The following SMC1A variants were observed in gnomAD, a reference collection of about 807,000 sequenced individuals.
The protein encoded by SMC1A is structural maintenance of chromosomes 1A.
Under a neutral mutation model 94.5 loss-of-function variants are expected in SMC1A, and 4 were observed. That is an observed-to-expected ratio of 0.04 (90% CI 0.02 to 0.10). SMC1A has a LOEUF of 0.10. Ranked by LOEUF, SMC1A falls within the 10% of genes least tolerant of loss-of-function variation. SMC1A has a pLI of 1.00. For synonymous variants in SMC1A, 345 were observed against 347.7 expected, an observed-to-expected ratio of 0.99 and a Z score of 0.09; for missense variants, 304 against 989.0, an observed-to-expected ratio of 0.31 and a Z score of 9.29.
chrX:53,414,157 A>G (rs1034609369), intron 3 of SMC1A, among the ~76,000 whole-genome samples: 2 of 111,663 alleles, frequency 1.8e-5, no homozygotes, highest in Non-Finnish European at 1.9e-5. Flanking sequence ...GAGGAAAAGT[A>G]ATATGCAAAG....
chrX:53,393,059 CA>C (rs1556887487), intron 19 of SMC1A, among the ~76,000 whole-genome samples: 1 of 111,759 alleles, frequency 8.9e-6, no homozygotes, highest in Non-Finnish European at 1.9e-5. Context: ...GTTAACATTA[CA>C]AAGAAAGTGA....
chrX:53,403,994 C>A, intron 13 of SMC1A, 101 bp from the exon 14 acceptor site: 1 of 604,145 alleles, frequency 1.7e-6, no homozygotes, highest in South Asian at 2.2e-5. Context: ...TAGCTCTCCA[C>A]AACTGAGAGA....
chrX:53,407,956 C>T (rs2075697279), intron 9 of SMC1A, among the ~76,000 whole-genome samples: 1 of 111,870 alleles, frequency 8.9e-6, no homozygotes, highest in African/African-American at 3.3e-5. Flanking sequence ...CTCACATCTA[C>T]CATTTTACAG....
At chrX:53,381,235 C>A in intron 22 of SMC1A, 148 bp from the exon 23 acceptor site, 1 of 446,144 alleles carries the variant, frequency 2.2e-6, no homozygotes, top group Non-Finnish European at 3.9e-6. Context: ...GTTGCCTGAG[C>A]CCCTGAAAGC....
intron 7 of SMC1A, among the ~76,000 whole-genome samples, chrX:53,410,381 G>A (rs782098014): frequency 1.1e-4 from 12 of 109,261 alleles, no homozygotes; most frequent in East Asian, 2.9e-4. Context: ...ACTTGAGTTC[G>A]GAAGTTCAAG....
intron 11 of SMC1A, 44 bp from the exon 12 acceptor site, chrX:53,405,435 C>G (rs782125344): frequency 3.3e-6 from 4 of 1,210,744 alleles, no homozygotes; most frequent in Non-Finnish European, 4.5e-6. Context: ...AGAAGCTGAA[C>G]AAATGAATCT....
intron 19 of SMC1A, among the ~76,000 whole-genome samples, chrX:53,385,828 A>T (rs1389510963): frequency 8.9e-6 from 1 of 112,302 alleles, no homozygotes; most frequent in Non-Finnish European, 1.9e-5. Context: ...GATGTTATAT[A>T]TAACTATTAA....
chrX:53,385,688 AG>A (rs2075602242), intron 19 of SMC1A, among the ~76,000 whole-genome samples: 1 of 111,782 alleles, frequency 8.9e-6, no homozygotes, highest in African/African-American at 3.2e-5. Flanking sequence ...TATAACGGCA[AG>A]AAAAAGAATA....
intron 3 of SMC1A, 39 bp from the exon 4 acceptor site, chrX:53,413,474 G>A: frequency 8.7e-7 from 1 of 1,145,510 alleles, no homozygotes; most frequent in Non-Finnish European, 1.2e-6. Flanking sequence ...TCAGACCCCA[G>A]CCAACCCAGT....
In SMC1A at chrX:53,378,734, A is replaced by G. The variant is rs1556885533; in HGVS notation, c.*1369T>C. On this transcript the variant is annotated 3_prime_UTR_variant, in exon 25 of 25. Transcript: ENST00000322213. ...AATTAAAGTGTGATGGTGTATGTGA[A>G]TGAGTAAAGGCTGAGCTCATCGCAC... The G allele has an allele frequency of 8.9e-6, 1 of 112,753 alleles. No homozygotes were observed. Among genetic ancestry groups the G allele is most frequent in the Non-Finnish European group, 1.9e-5 (1 of 53,338 alleles). 9.3% of individuals were successfully genotyped at this position (112,753 alleles called of 1,213,427 possible). A position where few individuals can be genotyped will look rare whatever the true frequency, so the allele number is the denominator to read the frequency against.
chrX:53,413,013 C>T lies in SMC1A; in HGVS notation c.741G>A (p.Lys247=). 1 of 1,210,250 alleles carries T rather than the reference C, an allele frequency of 8.3e-7. No individual in the cohort carries two copies. Among genetic ancestry groups the T allele is most frequent in the Non-Finnish European group, 1.1e-6 (1 of 894,149 alleles). ...KLNKELASKN[K]EIEKDKKRMD... The stretch of plus-strand genomic sequence containing the variant: ...TACGCTTCTTGTCCTTCTCGATCTC[C>T]TTGTTCTTTGAGGCCAGTTCCTTGT... Residue 247 remains lysine (K), a synonymous_variant, in exon 5 of 25, where the codon AAG becomes AAA. Transcript: ENST00000322213.
intron 22 of SMC1A, 102 bp downstream of exon 22, chrX:53,382,130 C>G (rs1338449269): frequency 3.0e-6 from 3 of 1,005,082 alleles, no homozygotes; most frequent in Non-Finnish European, 4.2e-6. Context: ...CAGATTCCAC[C>G]AAACCATCAC....
chrX:53,408,002 T>C (rs1284877883), intron 9 of SMC1A, among the ~76,000 whole-genome samples: 1 of 111,060 alleles, frequency 9.0e-6, no homozygotes, highest in African/African-American at 3.3e-5. Flanking sequence ...AAGTATCTTA[T>C]ATATATTATT....
intron 15 of SMC1A, among the ~76,000 whole-genome samples, chrX:53,403,033 A>T (rs918497616): frequency 1.0e-5 from 1 of 98,163 alleles, no homozygotes; most frequent in African/African-American, 3.8e-5. Context: ...AAACAAAAAA[A>T]GAAAAATTAG....
In SMC1A at chrX:53,377,623, A is replaced by T. The variant is rs1401155308; in HGVS notation, c.*2480T>A. ...GGAGAAAGCACTTGAATGACTTGGAAGACCTGGGTTCAAACCTTTTTGGGC... is the reference window on the plus strand; with the variant it reads ...GGAGAAAGCACTTGAATGACTTGGATGACCTGGGTTCAAACCTTTTTGGGC... On this transcript the variant is annotated 3_prime_UTR_variant, in exon 25 of 25. Transcript: ENST00000322213. The T allele has an allele frequency of 8.9e-6, 1 of 112,192 alleles. No homozygotes were observed. Among genetic ancestry groups the T allele is most frequent in the African/African-American group, 3.2e-5 (1 of 30,862 alleles). 9.2% of individuals were successfully genotyped at this position (112,192 alleles called of 1,213,427 possible). A position where few individuals can be genotyped will look rare whatever the true frequency, so the allele number is the denominator to read the frequency against.
chrX:53,382,934 C>T (rs1556886101), intron 20 of SMC1A, among the ~76,000 whole-genome samples, 163 bp downstream of exon 20: 1 of 111,335 alleles, frequency 9.0e-6, no homozygotes, highest in Non-Finnish European at 1.9e-5. Context: ...AGCAATTTTC[C>T]GTTCTATAAA....
chrX:53,409,862 T>C (rs1281911734), intron 7 of SMC1A, among the ~76,000 whole-genome samples: 1 of 112,091 alleles, frequency 8.9e-6, no homozygotes, highest in African/African-American at 3.2e-5. Context: ...ACACATTAAG[T>C]GCTTAATATA....
At chrX:53,389,727 CA>C (rs782584311) in intron 19 of SMC1A, among the ~76,000 whole-genome samples, 81 of 94,508 alleles carry the variant, frequency 8.6e-4, no homozygotes, top group African/African-American at 2.8e-3. Context: ...GACTCTGTCT[CA>C]AAAAAAAAAA....
chrX:53,387,747 T>C (rs1556886621), intron 19 of SMC1A, among the ~76,000 whole-genome samples: 1 of 111,275 alleles, frequency 9.0e-6, no homozygotes, highest in Non-Finnish European at 1.9e-5. Context: ...TGTGTTGAAA[T>C]GATTCAGAAG....
Sources: gnomAD v4.1 joint callset for allele counts (sites outside exome capture counted in the v4.1 genomes callset) on GRCh38, gnomAD v4.1.1 for gene constraint, MANE v1.5 for transcripts, NCBI Gene and HGNC (gene_info 2026-07-23, HGNC 2026-07-21) for gene names.